The following RAB30 variants were observed in gnomAD, a reference collection of about 807,000 sequenced individuals.
RAB30 encodes the protein RAB30, member RAS oncogene family.
A neutral mutation model predicts 25.1 loss-of-function variants in RAB30; 9 were observed. That is an observed-to-expected ratio of 0.36 (90% CI 0.22 to 0.63). RAB30 has a LOEUF of 0.63. RAB30 is among the 20% of genes least tolerant of loss of function. RAB30 has a pLI of 0.69. For missense variants in RAB30, 140 were observed against 243.5 expected (o/e 0.58, Z 2.83); for synonymous variants, 77 against 86.4 (o/e 0.89, Z 0.60).
intron 1 of RAB30, chr11:83,038,903 G>A (rs1388186773): frequency 1.3e-5 from 2 of 151,512 alleles, no homozygotes; most frequent in East Asian, 3.9e-4. Flanking sequence ...TGCTAGGCAT[G>A]TGCTATGTGC....
At chr11:83,049,826 T>C (rs976975590) in intron 1 of RAB30, among the ~76,000 whole-genome samples, 22 of 152,168 alleles carry the variant, frequency 1.4e-4, no homozygotes, top group Non-Finnish European at 2.6e-4. Context: ...ACACATCAAT[T>C]ATCCAAAGAG....
At chr11:83,053,249 T>G (rs1858392135) in intron 1 of RAB30, among the ~76,000 whole-genome samples, 2 of 152,182 alleles carry the variant, frequency 1.3e-5, no homozygotes, top group Non-Finnish European at 2.9e-5. Flanking sequence ...ACAACCTCTT[T>G]GAGCCTCAGT....
chr11:83,064,520 T>C (rs1188941463), intron 1 of RAB30, among the ~76,000 whole-genome samples: 1 of 152,202 alleles, frequency 6.6e-6, no homozygotes, highest in Non-Finnish European at 1.5e-5. Flanking sequence ...CCTCTAGTAA[T>C]GTCACACATA....
chr11:82,994,000 A>T, intron 3 of RAB30, 39 bp downstream of exon 3: 1 of 1,489,210 alleles, frequency 6.7e-7, no homozygotes, highest in Non-Finnish European at 9.4e-7. Flanking sequence ...AACCTCTCAC[A>T]TAGCACCTGA....
chr11:83,020,552 AG>A (rs927207822), intron 1 of RAB30, among the ~76,000 whole-genome samples: 2 of 152,208 alleles, frequency 1.3e-5, no homozygotes, highest in African/African-American at 4.8e-5. Flanking sequence ...CCTGGACAGA[AG>A]GGGGCGAGTC....
At chr11:83,052,948 A>C (rs1858386264) in intron 1 of RAB30, among the ~76,000 whole-genome samples, 1 of 152,218 alleles carries the variant, frequency 6.6e-6, no homozygotes, top group Non-Finnish European at 1.5e-5. Flanking sequence ...ATATTAATAT[A>C]TTAATGTTTT....
chr11:83,069,532 A>G (rs1006077623), intron 1 of RAB30, among the ~76,000 whole-genome samples: 1 of 152,152 alleles, frequency 6.6e-6, no homozygotes, highest in Non-Finnish European at 1.5e-5. Flanking sequence ...CCAAATGGGC[A>G]GTTTGGCCAC....
In RAB30 at chr11:82,976,465, A is replaced by T. The variant is rs1230452075; in HGVS notation, c.*5700T>A. ...CACCTAAACTAGTGTTTCCCCTTCT[A>T]TATAACTCCCCACATCACTCTCCAA... On this transcript the variant is annotated 3_prime_UTR_variant, in exon 5 of 5. Coordinates refer to ENST00000527633, the MANE Select transcript of RAB30 (RefSeq NM_001286060.2). The T allele has an allele frequency of 1.3e-5, 2 of 152,168 alleles. No homozygotes were observed. The highest frequency in any genetic ancestry group is 2.9e-5 in the Non-Finnish European group (2 of 68,028). The allele number at this position is 152,168 out of a possible 1,614,324, so 9.4% of individuals were successfully genotyped here. A position where few individuals can be genotyped will look rare whatever the true frequency, so the allele number is the denominator to read the frequency against.
At chr11:83,033,586 A>T (rs1386535988) in intron 1 of RAB30, among the ~76,000 whole-genome samples, 1 of 152,214 alleles carries the variant, frequency 6.6e-6, no homozygotes, top group African/African-American at 2.4e-5. Context: ...AAATCCAGGA[A>T]AGTAACTTGC....
intron 3 of RAB30, among the ~76,000 whole-genome samples, chr11:82,991,732 C>T (rs1264140228): frequency 6.6e-6 from 1 of 152,096 alleles, no homozygotes; most frequent in Non-Finnish European, 1.5e-5. Flanking sequence ...AGCCAACTGT[C>T]ACTTTTTATA....
chr11:83,052,484 G>T (rs1858377436), intron 1 of RAB30, among the ~76,000 whole-genome samples: 1 of 152,220 alleles, frequency 6.6e-6, no homozygotes, highest in African/African-American at 2.4e-5. Flanking sequence ...ATCAACCCAT[G>T]TTGGAAGCTA....
At chr11:82,997,367 A>C in intron 1 of RAB30, 43 bp from the exon 2 acceptor site, 1 of 1,374,986 alleles carries the variant, frequency 7.3e-7, no homozygotes, top group Non-Finnish European at 1.0e-6. Flanking sequence ...GCCCAGTCAG[A>C]CTTGCCCACA....
intron 1 of RAB30, among the ~76,000 whole-genome samples, chr11:83,022,545 G>C (rs778097780): frequency 6.6e-6 from 1 of 152,144 alleles, no homozygotes; most frequent in African/African-American, 2.4e-5. Context: ...TCCAATAATG[G>C]AGAAAGGTCT....
At chr11:83,052,496 T>G in intron 1 of RAB30, among the ~76,000 whole-genome samples, 1 of 152,224 alleles carries the variant, frequency 6.6e-6, no homozygotes, top group South Asian at 2.1e-4. Context: ...TGGAAGCTAG[T>G]TTTCCATGTT....
chr11:83,009,461 T>G (rs1422119273), intron 1 of RAB30, among the ~76,000 whole-genome samples: 1 of 152,172 alleles, frequency 6.6e-6, no homozygotes, highest in African/African-American at 2.4e-5. Context: ...GTAACCATGC[T>G]GCAGGGTACA....
chr11:83,069,570 G>C (rs753358126), intron 1 of RAB30, among the ~76,000 whole-genome samples: 4 of 152,056 alleles, frequency 2.6e-5, no homozygotes, highest in Non-Finnish European at 5.9e-5. Context: ...AATCCACAGG[G>C]AACAGGAAGA....
intron 1 of RAB30, among the ~76,000 whole-genome samples, chr11:83,023,744 T>C (rs754090225): frequency 2.0e-5 from 3 of 152,188 alleles, no homozygotes; most frequent in Non-Finnish European, 2.9e-5. Flanking sequence ...TCCTCTCAAT[T>C]TTGCCAGCCT....
chr11:83,019,000 T>C (rs1857502567), intron 1 of RAB30, among the ~76,000 whole-genome samples: 1 of 152,132 alleles, frequency 6.6e-6, no homozygotes, highest in African/African-American at 2.4e-5. Context: ...TTGGCTTTAT[T>C]TGAGTGTAAA....
At chr11:83,001,253 T>G (rs78773975) in intron 1 of RAB30, among the ~76,000 whole-genome samples, 4,621 of 152,206 alleles carry the variant, frequency 0.03, 89 homozygotes, top group Non-Finnish European at 0.045. Context: ...CACACTAGAG[T>G]GCAGTGGCGC....
Sources: gnomAD v4.1 joint callset for allele counts (sites outside exome capture counted in the v4.1 genomes callset) on GRCh38, gnomAD v4.1.1 for gene constraint, MANE v1.5 for transcripts, NCBI Gene and HGNC (gene_info 2026-07-23, HGNC 2026-07-21) for gene names.